The following GTF2F2 variants were observed in gnomAD, a reference collection of about 807,000 sequenced individuals.
GTF2F2 encodes general transcription factor IIF subunit 2, also known as ATP-dependent helicase GTF2F2.
A neutral mutation model predicts 42.2 loss-of-function variants in GTF2F2; 23 were observed. The ratio of observed to expected loss-of-function variants is 0.55; its 90% confidence interval spans 0.39 to 0.77. The LOEUF (loss-of-function observed/expected upper bound fraction) is 0.77. GTF2F2 is among the 30% of genes least tolerant of loss of function. GTF2F2 has a pLI of 0.00. For missense variants in GTF2F2, 261 were observed against 287.2 expected, an observed-to-expected ratio of 0.91 and a Z score of 0.66; for synonymous variants, 105 against 100.8, an observed-to-expected ratio of 1.04 and a Z score of -0.25.
intron 5 of GTF2F2, among the ~76,000 whole-genome samples, chr13:45,208,503 G>A (rs1291428943): frequency 1.3e-5 from 2 of 152,156 alleles, no homozygotes; most frequent in Non-Finnish European, 2.9e-5. Flanking sequence ...AGAAGTGAGA[G>A]AAATAGCTGT....
chr13:45,270,406 G>A (rs1003803398), intron 7 of GTF2F2, among the ~76,000 whole-genome samples: 23 of 152,152 alleles, frequency 1.5e-4, no homozygotes, highest in African/African-American at 5.1e-4. Flanking sequence ...AATTTTGGAG[G>A]CTGAGAAGTC....
intron 5 of GTF2F2, among the ~76,000 whole-genome samples, chr13:45,212,979 T>G (rs1873751510): frequency 6.6e-6 from 1 of 152,002 alleles, no homozygotes; most frequent in South Asian, 2.1e-4. Context: ...TGGCCTCAAG[T>G]TATCCATCTG....
chr13:45,174,513 T>C (rs1312624768), intron 4 of GTF2F2, among the ~76,000 whole-genome samples: 1 of 152,074 alleles, frequency 6.6e-6, no homozygotes, highest in African/African-American at 2.4e-5. Flanking sequence ...AATTTTAGCA[T>C]TTAAGCCTTT....
At position 45,207,428 on chromosome 13, in the gene GTF2F2, G is replaced by A. The variant is rs200187236; in HGVS notation, c.309G>A (p.Lys103=). Residue 103 remains lysine, a synonymous_variant, in exon 5 of 8, where the codon AAG becomes AAA. Coordinates refer to ENST00000340473, the MANE Select transcript of GTF2F2 (RefSeq NM_004128.3). ...CCTTTTTTTTTTCCATTCAAGATAA[G>A]CTGTCATTGGAAGGAATAGTGGTAC... ...LTVFTESSSD[K]LSLEGIVVQR... is the part of the protein sequence containing the mutation. The A allele has an allele frequency of 1.2e-5, 19 of 1,589,278 alleles. No individual in the cohort carries two copies. In the East Asian group the frequency reaches 3.8e-4, roughly 32 times the overall value.
chr13:45,246,262 T>C (rs9534081), intron 5 of GTF2F2, among the ~76,000 whole-genome samples: 49,464 of 151,762 alleles, frequency 0.33, 10,266 homozygotes, highest in African/African-American at 0.59. Context: ...CCGCCCTCCT[T>C]GGCCTTCCAA....
chr13:45,226,358 G>A (rs1260683623), intron 5 of GTF2F2, among the ~76,000 whole-genome samples: 1 of 152,108 alleles, frequency 6.6e-6, no homozygotes, highest in African/African-American at 2.4e-5. Context: ...ATCTTAGAGG[G>A]TGGGCCTTTT....
At chr13:45,235,796 G>T (rs1475643872) in intron 5 of GTF2F2, among the ~76,000 whole-genome samples, 1 of 151,704 alleles carries the variant, frequency 6.6e-6, no homozygotes, top group Non-Finnish European at 1.5e-5. Flanking sequence ...GTAGAGACGG[G>T]GTTTCACCAT....
intron 7 of GTF2F2, among the ~76,000 whole-genome samples, chr13:45,271,542 C>A (rs1480106949): frequency 6.6e-6 from 1 of 151,664 alleles, no homozygotes; most frequent in Non-Finnish European, 1.5e-5. Flanking sequence ...ACCACCACAC[C>A]CAGCTAATTT....
At chr13:45,123,464 C>T (rs1868785620) in intron 1 of GTF2F2, 2 of 151,930 alleles carry the variant, frequency 1.3e-5, no homozygotes, top group Admixed American at 1.3e-4. Context: ...CCTTTATCTA[C>T]AAAAACTATA....
chr13:45,282,641 A>C (rs896331945), intron 7 of GTF2F2, among the ~76,000 whole-genome samples: 1 of 152,138 alleles, frequency 6.6e-6, no homozygotes, highest in Admixed American at 6.5e-5. Context: ...AGTAGCTGGG[A>C]TTACAGGTTC....
At chr13:45,272,737 C>T (rs926087416) in intron 7 of GTF2F2, among the ~76,000 whole-genome samples, 3 of 148,504 alleles carry the variant, frequency 2.0e-5, no homozygotes, top group Admixed American at 1.3e-4. Flanking sequence ...AGAGCGAGAC[C>T]GTGTCTCAAA....
chr13:45,145,189 C>A (rs1201984445), intron 2 of GTF2F2, among the ~76,000 whole-genome samples: 1 of 152,166 alleles, frequency 6.6e-6, no homozygotes, highest in Non-Finnish European at 1.5e-5. Context: ...CCATCAACTG[C>A]TAGGAACTTA....
intron 4 of GTF2F2, among the ~76,000 whole-genome samples, chr13:45,197,876 A>T (rs7338358): frequency 6.6e-6 from 1 of 152,076 alleles, no homozygotes; most frequent in Non-Finnish European, 1.5e-5. Flanking sequence ...GCTCAATTTA[A>T]TGGTTTCAGC....
In GTF2F2 at chr13:45,283,537, T is replaced by C; in HGVS notation, c.726T>C (p.Tyr242=). Residue 242 remains tyrosine (Y), a synonymous_variant, in exon 8 of 8, where the codon TAT becomes TAC. Transcript: ENST00000340473. ...TWELKPEYRH[Y]QGEEKSD Reference sequence around the variant, plus strand: ...AGCTGAAGCCAGAGTACAGACACTATCAAGGAGAAGAAAAGAGTGACTAAG... The same window carrying C: ...AGCTGAAGCCAGAGTACAGACACTACCAAGGAGAAGAAAAGAGTGACTAAG... 1 of 1,611,964 alleles carries C rather than the reference T, an allele frequency of 6.2e-7. No homozygotes were observed. The highest frequency in any genetic ancestry group is 8.5e-7 in the Non-Finnish European group (1 of 1,178,958).
intron 3 of GTF2F2, among the ~76,000 whole-genome samples, chr13:45,151,438 C>T (rs188696761): frequency 1.1e-4 from 17 of 152,124 alleles, no homozygotes; most frequent in Non-Finnish European, 2.1e-4. Flanking sequence ...TAGTGAGCTA[C>T]AGCCTGGAAC....
At chr13:45,203,834 G>C (rs1395997872) in intron 4 of GTF2F2, among the ~76,000 whole-genome samples, 2 of 152,144 alleles carry the variant, frequency 1.3e-5, no homozygotes, top group African/African-American at 4.8e-5. Context: ...AAGTAGAGGT[G>C]TATCAAAAGT....
intron 5 of GTF2F2, among the ~76,000 whole-genome samples, chr13:45,218,320 C>A (rs1409505789): frequency 2.0e-5 from 3 of 152,188 alleles, no homozygotes; most frequent in Non-Finnish European, 4.4e-5. Flanking sequence ...GCCCATATGG[C>A]ATCTTTGTAC....
chr13:45,200,920 C>G (rs182085758), intron 4 of GTF2F2, among the ~76,000 whole-genome samples: 140 of 152,244 alleles, frequency 9.2e-4, no homozygotes, highest in African/African-American at 2.7e-3. Flanking sequence ...AGAGTAACTT[C>G]GAGGTCTGGA....
chr13:45,150,427 TA>T (rs1490876342), intron 3 of GTF2F2, among the ~76,000 whole-genome samples: 1 of 152,172 alleles, frequency 6.6e-6, no homozygotes, highest in Non-Finnish European at 1.5e-5. Context: ...ACATACAAAA[TA>T]AATACATCCT....
Sources: allele counts gnomAD v4.1 joint callset (sites outside exome capture counted in the v4.1 genomes callset), GRCh38; gene constraint gnomAD v4.1.1; transcripts MANE v1.5; gene names NCBI Gene and HGNC (gene_info 2026-07-23, HGNC 2026-07-21).